The following TNPO3 variants were observed in gnomAD, a reference collection of about 807,000 sequenced individuals.
TNPO3 encodes the protein transportin 3.
A neutral mutation model predicts 122.8 loss-of-function variants in TNPO3; 65 were observed. That is an observed-to-expected ratio of 0.53 (90% CI 0.43 to 0.65). The LOEUF (loss-of-function observed/expected upper bound fraction) is 0.65, where lower values mean the gene tolerates loss of function less well. Ranked by LOEUF, TNPO3 falls within the 30% of genes least tolerant of loss-of-function variation. The pLI is 0.00. For missense variants in TNPO3, 850 were observed against 1,136.7 expected, an observed-to-expected ratio of 0.75 and a Z score of 3.63; for synonymous variants, 372 against 411.2, an observed-to-expected ratio of 0.90 and a Z score of 1.15.
In TNPO3 at chr7:129,019,853, G is replaced by A. The variant is rs916032681; in HGVS notation, c.121-1696C>T. Among the ~76,000 whole-genome samples, 9 of 152,096 alleles carry A rather than the reference G, an allele frequency of 5.9e-5. No individual in the cohort carries two copies. The South Asian group carries it at 8.3e-4, about 14-fold the overall frequency. On this transcript the variant is annotated intron_variant, in intron 1 of 22. Coordinates refer to ENST00000265388, the MANE Select transcript of TNPO3 (RefSeq NM_012470.4). ...TACTAAAAATACAAAAAAATTAGGC[G>A]GGTGTAGTGGCACTCACCTGCAATC...
chr7:128,964,123 G>A (rs998486112), intron 21 of TNPO3, among the ~76,000 whole-genome samples: 2 of 152,074 alleles, frequency 1.3e-5, no homozygotes, highest in Non-Finnish European at 2.9e-5. Context: ...ACTACAAAAT[G>A]TAGCTGAAAG....
At position 129,054,935 on chromosome 7, in the gene TNPO3, T is replaced by G; in HGVS notation, c.-165A>C. 1 of 876,212 alleles carries G rather than the reference T, an allele frequency of 1.1e-6. No homozygotes were observed. The highest frequency in any genetic ancestry group is 1.7e-6 in the Non-Finnish European group (1 of 584,302). 54.3% of individuals were successfully genotyped at this position (876,212 alleles called of 1,614,324 possible). On this transcript the variant is annotated 5_prime_UTR_variant, in exon 1 of 23. Coordinates refer to ENST00000265388, the MANE Select transcript of TNPO3 (RefSeq NM_012470.4). The stretch of plus-strand genomic sequence containing the variant: ...CAGGGCAGAAGGCTCTCCGTGGAAG[T>G]TGCCCCCTCGGAAACAGCTATTAGG...
At chr7:129,013,583 T>C (rs369931766) in intron 4 of TNPO3, among the ~76,000 whole-genome samples, 14 of 152,068 alleles carry the variant, frequency 9.2e-5, no homozygotes, top group African/African-American at 3.4e-4. Flanking sequence ...AGACTGAAAA[T>C]AGTACTACCA....
rs1263863342 is a variant in TNPO3, at chr7:129,011,984, TTC to T, written c.552+2993_552+2994del. Among the ~76,000 whole-genome samples the T allele has an allele frequency of 4.6e-5, 7 of 151,410 alleles. No homozygotes were observed. In the East Asian group the frequency reaches 1.4e-3, roughly 29 times the overall value. On this transcript the variant is annotated intron_variant, in intron 4 of 22. Coordinates refer to ENST00000265388, the MANE Select transcript of TNPO3 (RefSeq NM_012470.4). The stretch of plus-strand genomic sequence containing the variant: ...TTAAAAGAATTATTTTTCAATGAAT[TTC>T]TTTTTTCTTTTTCTTTCTTTTTTTT...
intron 8 of TNPO3, 112 bp from the exon 9 acceptor site, chr7:128,994,026 AAAGTTG>A (rs1217768207): frequency 1.3e-5 from 12 of 923,788 alleles, no homozygotes; most frequent in Non-Finnish European, 3.3e-6. Context: ...TCAATGAACA[AAAGTTG>A]CCTAAATCAC....
intron 1 of TNPO3, among the ~76,000 whole-genome samples, chr7:129,036,786 A>G (rs1046466618): frequency 1.3e-5 from 2 of 152,178 alleles, no homozygotes; most frequent in African/African-American, 4.8e-5. Context: ...AATAAATGGA[A>G]TATATAAAAA....
chr7:129,000,631 C>A, intron 6 of TNPO3, 64 bp from the exon 7 acceptor site: 1 of 1,447,374 alleles, frequency 6.9e-7, no homozygotes, highest in Admixed American at 2.0e-5. Flanking sequence ...TATATACAGG[C>A]ACAGTTAATC....
intron 5 of TNPO3, among the ~76,000 whole-genome samples, chr7:129,003,887 A>C (rs1802282936): frequency 6.6e-6 from 1 of 152,180 alleles, no homozygotes; most frequent in Admixed American, 6.5e-5. Flanking sequence ...ACCACTGTTA[A>C]GTTTGAAGTG....
intron 19 of TNPO3, among the ~76,000 whole-genome samples, chr7:128,971,425 C>T (rs570900014): frequency 1.3e-5 from 2 of 152,348 alleles, no homozygotes; most frequent in Admixed American, 6.5e-5. Flanking sequence ...GGATTACAGG[C>T]GTGAGCCACT....
chr7:128,962,672 T>G (rs1313591154), intron 21 of TNPO3, among the ~76,000 whole-genome samples: 1 of 152,224 alleles, frequency 6.6e-6, no homozygotes, highest in Non-Finnish European at 1.5e-5. Context: ...AGCTCTTACT[T>G]CTGTTCATTT....
At chr7:128,969,019 T>C (rs1266599593) in intron 20 of TNPO3, among the ~76,000 whole-genome samples, 1 of 152,144 alleles carries the variant, frequency 6.6e-6, no homozygotes, top group African/African-American at 2.4e-5. Context: ...AGCCATTGTG[T>C]CTGGCTGATA....
rs1205352110 is a variant in TNPO3, at chr7:129,016,968, A to G, written c.395+15T>C. Reference sequence around the variant, plus strand: ...AATTCCAAATGCTAATATAGAGTCAATACAAATTACTTACTTTTCCACCAG... The same window carrying G: ...AATTCCAAATGCTAATATAGAGTCAGTACAAATTACTTACTTTTCCACCAG... On this transcript the variant is annotated intron_variant, in intron 3 of 22. Transcript: ENST00000265388. 18 of 1,612,480 alleles carry G rather than the reference A, an allele frequency of 1.1e-5. No individual in the cohort carries two copies. The highest frequency in any genetic ancestry group is 5.0e-5 in the Admixed American group (3 of 60,026).
At chr7:128,999,802 AG>A (rs781246086) in intron 7 of TNPO3, among the ~76,000 whole-genome samples, 1 of 151,924 alleles carries the variant, frequency 6.6e-6, no homozygotes, top group Non-Finnish European at 1.5e-5. Context: ...TAGTGGAGAC[AG>A]GGTTTCACCA....
intron 1 of TNPO3, among the ~76,000 whole-genome samples, chr7:129,028,096 G>T (rs1805476173): frequency 6.6e-6 from 1 of 152,154 alleles, no homozygotes; most frequent in African/African-American, 2.4e-5. Context: ...ATGGGTCAAG[G>T]AAGGGAAATC....
chr7:129,054,385 A>C (rs1235415509), intron 1 of TNPO3, among the ~76,000 whole-genome samples: 2 of 152,202 alleles, frequency 1.3e-5, no homozygotes, highest in African/African-American at 4.8e-5. Flanking sequence ...AACTTAAACA[A>C]GATTAGATTG....
intron 21 of TNPO3, among the ~76,000 whole-genome samples, chr7:128,964,991 C>A (rs1218499931): frequency 6.6e-6 from 1 of 152,106 alleles, no homozygotes; most frequent in African/African-American, 2.4e-5. Flanking sequence ...AAAACTCTTA[C>A]AAGAAAACCT....
At chr7:128,966,585 T>TA (rs1797948948) in intron 21 of TNPO3, among the ~76,000 whole-genome samples, 1 of 152,170 alleles carries the variant, frequency 6.6e-6, no homozygotes, top group Non-Finnish European at 1.5e-5. Context: ...TCTGTAATAC[T>TA]AAAAAACTGA....
At chr7:128,977,595 TTTTC>T (rs1433453833) in intron 16 of TNPO3, among the ~76,000 whole-genome samples, 1 of 54,038 alleles carries the variant, frequency 1.9e-5, no homozygotes, top group Non-Finnish European at 3.1e-5. Context: ...TTTTTTTCTT[TTTTC>T]TTTTTTTTTT....
intron 1 of TNPO3, among the ~76,000 whole-genome samples, chr7:129,040,111 C>T (rs546089807): frequency 9.2e-5 from 14 of 152,096 alleles, no homozygotes; most frequent in African/African-American, 2.2e-4. Context: ...AAAAATTAGC[C>T]GGGCGTGGTG....
Sources: allele counts gnomAD v4.1 joint callset (sites outside exome capture counted in the v4.1 genomes callset), GRCh38; gene constraint gnomAD v4.1.1; transcripts MANE v1.5; gene names NCBI Gene and HGNC (gene_info 2026-07-23, HGNC 2026-07-21).